The following CDC42SE2 variants were observed in gnomAD, a reference collection of about 807,000 sequenced individuals.
CDC42SE2 encodes the protein CDC42 small effector 2.
CDC42SE2 carries 3 observed loss-of-function variants against 11.5 expected under a neutral mutation model. The observed-to-expected ratio is 0.26, with a 90% CI of 0.12 to 0.67. The LOEUF is 0.67. Among genes scored for constraint, CDC42SE2 ranks in the 30% least tolerant of loss-of-function variants. CDC42SE2 has a pLI of 0.80. For synonymous variants in CDC42SE2, 33 were observed against 34.8 expected (o/e 0.95, Z 0.18); for missense variants, 82 against 106.8 (o/e 0.77, Z 1.02).
intron 2 of CDC42SE2, among the ~76,000 whole-genome samples, chr5:131,342,320 G>A: frequency 6.7e-6 from 1 of 148,650 alleles, no homozygotes; most frequent in Non-Finnish European, 1.5e-5. Context: ...AAGCAGCTTG[G>A]TAAGTTAAAA....
At chr5:131,266,545 C>T (rs889740586) in intron 1 of CDC42SE2, among the ~76,000 whole-genome samples, 3 of 150,394 alleles carry the variant, frequency 2.0e-5, no homozygotes, top group African/African-American at 4.9e-5. Flanking sequence ...CTGCAACCTC[C>T]GCCTTTGGGG....
intron 2 of CDC42SE2, among the ~76,000 whole-genome samples, chr5:131,319,756 A>C (rs1758121747): frequency 6.6e-6 from 1 of 152,234 alleles, no homozygotes; most frequent in Non-Finnish European, 1.5e-5. Flanking sequence ...ATTCTTTAAA[A>C]GAATGAGCAT....
chr5:131,345,360 C>T (rs757607696), intron 2 of CDC42SE2, among the ~76,000 whole-genome samples: 14 of 152,026 alleles, frequency 9.2e-5, no homozygotes, highest in Non-Finnish European at 1.8e-4. Context: ...GACTCATGCA[C>T]AAGCTTCAGT....
intron 2 of CDC42SE2, among the ~76,000 whole-genome samples, chr5:131,340,835 G>A (rs916850762): frequency 1.3e-5 from 2 of 152,010 alleles, no homozygotes. Context: ...GTACCACCAT[G>A]TCTGGTTAAT....
At chr5:131,244,414 C>CA (rs1756563257), upstream of CDC42SE2, among the ~76,000 whole-genome samples, 1 of 152,082 alleles carries the variant, frequency 6.6e-6, no homozygotes, top group African/African-American at 2.4e-5. Context: ...TTTAAGCACA[C>CA]AAAAAACATC....
chr5:131,273,922 T>G (rs1037708913), intron 1 of CDC42SE2, among the ~76,000 whole-genome samples: 1 of 151,968 alleles, frequency 6.6e-6, no homozygotes, highest in African/African-American at 2.4e-5. Context: ...GGACCACAGG[T>G]ATGTGCCACC....
rs144520611 is a variant in CDC42SE2 at position 131,285,789 on chromosome 5, C to G, written c.-455+21623C>G. 5.8e-3 allele frequency among the ~76,000 whole-genome samples: 876 copies of G among 152,254 alleles called. 4 individuals carry two copies. Among genetic ancestry groups the G allele is most frequent in the Middle Eastern group, 0.01 (3 of 294 alleles). On this transcript the variant is annotated intron_variant, in intron 1 of 4. Coordinates refer to ENST00000505065, the MANE Select transcript of CDC42SE2 (RefSeq NM_001375635.1). ...TAGCTGTGACTGAGAGGTCAGGAAA[C>G]AAACTGGTAAGTAGTCATAGGAACA...
intron 3 of CDC42SE2, among the ~76,000 whole-genome samples, chr5:131,373,792 C>A (rs573971077): frequency 3.9e-5 from 6 of 151,948 alleles, no homozygotes; most frequent in African/African-American, 1.4e-4. Flanking sequence ...AACATGCCTA[C>A]AAAGGAAGCG....
Position 131,253,612 on chromosome 5 carries a change from A to G in CDC42SE2, n.108-1483A>G, listed in dbSNP as rs11957523. Among the ~76,000 whole-genome samples, 397 of 152,236 alleles carry G rather than the reference A, an allele frequency of 2.6e-3. 4 individuals are homozygous for G. The highest frequency in any genetic ancestry group is 9.1e-3 in the African/African-American group (380 of 41,538). ...AAACCCTATCTCTATTAAAAATACA[A>G]AAATTAGCTGGGCATGGTGGCACAT... On this transcript the variant is annotated intron_variant and non_coding_transcript_variant, in intron 1 of 3. Transcript: ENST00000502840.
intron 3 of CDC42SE2, among the ~76,000 whole-genome samples, chr5:131,359,979 G>GT (rs1332400640): frequency 6.6e-6 from 1 of 152,044 alleles, no homozygotes; most frequent in African/African-American, 2.4e-5. Flanking sequence ...TTATTTTTCA[G>GT]TTGAAACAGG....
intron 1 of CDC42SE2, among the ~76,000 whole-genome samples, chr5:131,290,092 C>T (rs1757424877): frequency 6.6e-6 from 1 of 152,096 alleles, no homozygotes; most frequent in South Asian, 2.1e-4. Flanking sequence ...AGTGATCCTC[C>T]TGCCTCCACC....
At position 131,347,827 on chromosome 5, in the gene CDC42SE2, A is replaced by G. The variant is rs182920374; in HGVS notation, c.-285-11382A>G. On this transcript the variant is annotated intron_variant, in intron 2 of 4. Coordinates refer to ENST00000505065, the MANE Select transcript of CDC42SE2 (RefSeq NM_001375635.1). ...CGATCAAGTGGGCTTTATCCCTGGGATGCAAGGCTGGTTCAACATATGCAA... is the reference window on the plus strand; with the variant it reads ...CGATCAAGTGGGCTTTATCCCTGGGGTGCAAGGCTGGTTCAACATATGCAA... 4.1e-4 allele frequency among the ~76,000 whole-genome samples: 62 copies of G among 152,356 alleles called. 1 individual carries two copies. The East Asian group carries it at 0.012, about 28-fold the overall frequency.
intron 3 of CDC42SE2, among the ~76,000 whole-genome samples, chr5:131,378,356 G>A (rs1750215530): frequency 6.6e-6 from 1 of 151,600 alleles, no homozygotes; most frequent in Non-Finnish European, 1.5e-5. Context: ...TCCATACTGT[G>A]AACTAGATTG....
the CDC42SE2 span, among the ~76,000 whole-genome samples, chr5:131,227,921 C>T: frequency 5.9e-5 from 9 of 152,214 alleles, no homozygotes; most frequent in Admixed American, 5.9e-4. Flanking sequence ...GGCGTACTGG[C>T]TCATGCCTGT....
upstream of CDC42SE2, among the ~76,000 whole-genome samples, chr5:131,260,505 C>G (rs1005411122): frequency 1.9e-4 from 28 of 150,832 alleles, no homozygotes; most frequent in African/African-American, 6.8e-4. Flanking sequence ...CGCCTGTAAT[C>G]CCAGCTACTC....
chr5:131,213,046 C>G, the CDC42SE2 span, among the ~76,000 whole-genome samples: 1 of 152,044 alleles, frequency 6.6e-6, no homozygotes. Context: ...CAAAATTAGC[C>G]AGGCATGGTG....
At chr5:131,335,553 T>C (rs1159335678) in intron 2 of CDC42SE2, among the ~76,000 whole-genome samples, 6 of 152,212 alleles carry the variant, frequency 3.9e-5, no homozygotes, top group Non-Finnish European at 7.3e-5. Context: ...ATCTGTCTAA[T>C]GTTGACAGTA....
intron 1 of CDC42SE2, among the ~76,000 whole-genome samples, chr5:131,289,253 T>C (rs1757401624): frequency 6.6e-6 from 1 of 152,178 alleles, no homozygotes; most frequent in South Asian, 2.1e-4. Flanking sequence ...ACCAGCCAAA[T>C]GGAGTATGTT....
chr5:131,314,198 A>G (rs1414247236), intron 1 of CDC42SE2, among the ~76,000 whole-genome samples: 1 of 150,592 alleles, frequency 6.6e-6, no homozygotes, highest in Non-Finnish European at 1.5e-5. Flanking sequence ...TCATACTTTT[A>G]CACTACAAAT....
Sources: allele counts gnomAD v4.1 joint callset (sites outside exome capture counted in the v4.1 genomes callset), GRCh38; gene constraint gnomAD v4.1.1; transcripts MANE v1.5; gene names NCBI Gene and HGNC (gene_info 2026-07-23, HGNC 2026-07-21).